Variants in ELOVL3 observed in about 807,000 individuals in gnomAD.
ELOVL3 encodes ELOVL fatty acid elongase 3, also known as very long chain fatty acid elongase 3.
In ELOVL3, 11 loss-of-function variants were observed where a neutral mutation model predicts 14.9. That is an observed-to-expected ratio of 0.74 (90% confidence interval 0.46 to 1.22). The LOEUF (loss-of-function observed/expected upper bound fraction) is 1.22. Among genes scored for constraint, ELOVL3 ranks in the 50% most tolerant of loss-of-function variants. The pLI is 0.00. For missense variants in ELOVL3, 277 were observed against 338.9 expected (o/e 0.82, Z 1.43); for synonymous variants, 117 against 124.7 (o/e 0.94, Z 0.41).
chr10:102,227,476 C>G (rs2070147265), intron 1 of ELOVL3, 150 bp from the exon 2 acceptor site: 1 of 854,916 alleles, frequency 1.2e-6, no homozygotes. Context: ...AGCCAAGGCT[C>G]AGAGAATTAA....
At position 102,226,576 on chromosome 10, in the gene ELOVL3, G is replaced by A. The variant is rs750665731; in HGVS notation, c.28G>A (p.Glu10Lys). 6.2e-7 allele frequency: 1 copy of A among 1,614,116 alleles called. No individual in the cohort carries two copies. The highest frequency in any genetic ancestry group is 8.5e-7 in the Non-Finnish European group (1 of 1,179,982). MVTAMNVSH[E>K]VNQLFQPYNF... ...GGTCACAGCCATGAATGTCTCACATGAAGTAAATCAGCTGTTCCAGCCCTA... is the reference window on the plus strand; with the variant it reads ...GGTCACAGCCATGAATGTCTCACATAAAGTAAATCAGCTGTTCCAGCCCTA... Residue 10 changes from glutamate (E) to lysine (K), a missense_variant, in exon 1 of 4, where the codon GAA becomes AAA. By Grantham distance (56) the Glu-to-Lys change is moderately conservative. Transcript: ENST00000370005.
chr10:102,228,290 C>T, intron 2 of ELOVL3, 127 bp from the exon 3 acceptor site: 1 of 968,602 alleles, frequency 1.0e-6, no homozygotes, highest in Non-Finnish European at 1.5e-6. Flanking sequence ...GAGCTTTGAC[C>T]CACCCCCTGT....
chr10:102,229,375 C>A lies in ELOVL3; in HGVS notation c.*123C>A. The A allele has an allele frequency of 1.1e-6, 1 of 951,892 alleles. No homozygotes were observed. Among genetic ancestry groups the A allele is most frequent in the Non-Finnish European group, 1.5e-6 (1 of 655,476 alleles). The allele number at this position is 951,892 out of a possible 1,614,324, so 59.0% of individuals were successfully genotyped here. A position where few individuals can be genotyped will look rare whatever the true frequency, so the allele number is the denominator to read the frequency against. ...CATGGTTTCCCCAGAGGATGTGTGC[C>A]CCAAGGTGGCTGGAATTTTTGACAG... is the stretch of plus-strand genomic sequence containing the variant. On this transcript the variant is annotated 3_prime_UTR_variant, in exon 4 of 4. Transcript: ENST00000370005.
chr10:102,227,815 C>A, intron 2 of ELOVL3, 58 bp downstream of exon 2: 2 of 1,588,648 alleles, frequency 1.3e-6, no homozygotes, highest in Non-Finnish European at 1.7e-6. Flanking sequence ...CATTCTATCC[C>A]TTGAAGCTTT....
rs2133791013 is a variant in ELOVL3 at position 102,228,415 on chromosome 10, A to G, written c.234-2A>G. 2 of 1,613,486 alleles carry G rather than the reference A, an allele frequency of 1.2e-6. No homozygotes were observed. Among genetic ancestry groups the G allele is most frequent in the South Asian group, 2.2e-5 (2 of 91,044 alleles). The stretch of plus-strand genomic sequence containing the variant: ...ACACCATCTTCCTTTGTCCCATTTC[A>G]GTATCCTGGGGGCAGTGAGGATGTG... On this transcript the variant is annotated splice_acceptor_variant, in intron 2 of 3. Transcript: ENST00000370005. LOFTEE classifies it high-confidence loss of function.
At position 102,228,891 on chromosome 10, in the gene ELOVL3, C is replaced by T. The variant is rs767451727; in HGVS notation, c.452C>T (p.Thr151Ile). The change falls in exon 4 of 4, where the codon ACA (threonine) becomes ATA (isoleucine). Residue 151 changes from threonine (T) to isoleucine (I), a missense_variant. Physicochemically the swap from Thr to Ile is moderately conservative, Grantham distance 89. Coordinates refer to ENST00000370005, the MANE Select transcript of ELOVL3 (RefSeq NM_152310.3). ...LIFIHWYHHS[T>I]VLVYTSFGYK... ...TTTATTCACTGGTACCACCACAGCACAGTGCTCGTGTACACAAGCTTTGGA... is the reference window on the plus strand; with the variant it reads ...TTTATTCACTGGTACCACCACAGCATAGTGCTCGTGTACACAAGCTTTGGA... 1 of 1,614,204 alleles carries T rather than the reference C, an allele frequency of 6.2e-7. No homozygotes were observed. The highest frequency in any genetic ancestry group is 1.1e-5 in the South Asian group (1 of 91,088).
intron 1 of ELOVL3, among the ~76,000 whole-genome samples, chr10:102,227,277 G>A (rs2070143532): frequency 6.6e-6 from 1 of 152,090 alleles, no homozygotes; most frequent in Admixed American, 6.5e-5. Context: ...AGAAGCTATT[G>A]CCACACTTCT....
chr10:102,229,120 G>C lies in ELOVL3; in HGVS notation c.681G>C (p.Gln227His). The C allele has an allele frequency of 6.2e-7, 1 of 1,614,122 alleles. No individual in the cohort carries two copies. The highest frequency in any genetic ancestry group is 8.5e-7 in the Non-Finnish European group (1 of 1,180,014). Residue 227 changes from glutamine (Q) to histidine (H), a missense_variant, in exon 4 of 4, where the codon CAG becomes CAC. Coordinates refer to ENST00000370005, the MANE Select transcript of ELOVL3 (RefSeq NM_152310.3). ...SILTYIWRQD[Q>H]GCHTTMEHLF... Reference sequence around the variant, plus strand: ...TCACGTACATCTGGAGGCAGGATCAGGGATGCCACACCACGATGGAACACT... The same window carrying C: ...TCACGTACATCTGGAGGCAGGATCACGGATGCCACACCACGATGGAACACT...
Position 102,226,398 on chromosome 10 carries a change from C to A in ELOVL3, c.-151C>A, listed in dbSNP as rs1388066551. 1.7e-6 allele frequency: 1 copy of A among 589,670 alleles called. No individual in the cohort carries two copies. The highest frequency in any genetic ancestry group is 3.2e-5 in the Admixed American group (1 of 31,264). 36.5% of individuals were successfully genotyped at this position (589,670 alleles called of 1,614,324 possible). A position where few individuals can be genotyped will look rare whatever the true frequency, so the allele number is the denominator to read the frequency against. On this transcript the variant is annotated 5_prime_UTR_variant, in exon 1 of 4. Coordinates refer to ENST00000370005, the MANE Select transcript of ELOVL3 (RefSeq NM_152310.3). ...GGATAGCTGGCTGCGCCGCCGCGCA[C>A]ATGCCTAGGTTCGACGCCCTCCTCC...
Position 102,228,476 on chromosome 10 carries a change from T to C in ELOVL3, c.293T>C (p.Leu98Pro). The part of the protein sequence containing the change: ...IMGTVLLTGG[L>P]KQTVCFINFI... ...GGGACTGTGCTACTTACCGGGGGCC[T>C]AAAGCAAACCGTGTGCTTCATCAAC... The change falls in exon 3 of 4, where the codon CTA becomes CCA. Residue 98 changes from leucine to proline, a missense_variant. By Grantham distance (98) the Leu-to-Pro change is moderately conservative (BLOSUM62 -3). Coordinates refer to ENST00000370005, the MANE Select transcript of ELOVL3 (RefSeq NM_152310.3). 1 of 1,614,194 alleles carries C rather than the reference T, an allele frequency of 6.2e-7. No homozygotes were observed. Among genetic ancestry groups the C allele is most frequent in the Non-Finnish European group, 8.5e-7 (1 of 1,180,022 alleles).
At chr10:102,225,058 T>C (rs181605187), upstream of ELOVL3, among the ~76,000 whole-genome samples, 4 of 152,308 alleles carry the variant, frequency 2.6e-5, no homozygotes, top group Non-Finnish European at 4.4e-5. Context: ...AGACAACCTA[T>C]AGGACCAGAA....
chr10:102,228,599 C>G, intron 3 of ELOVL3, 31 bp downstream of exon 3: 1 of 1,611,246 alleles, frequency 6.2e-7, no homozygotes, highest in Non-Finnish European at 8.5e-7. Flanking sequence ...TTTCTGGTGC[C>G]TTGTGAACTG....
Position 102,226,457 on chromosome 10 carries a change from T to A in ELOVL3, c.-92T>A. 1 of 883,234 alleles carries A rather than the reference T, an allele frequency of 1.1e-6. No homozygotes were observed. Among genetic ancestry groups the A allele is most frequent in the South Asian group, 1.5e-5 (1 of 67,932 alleles). 54.7% of individuals were successfully genotyped at this position (883,234 alleles called of 1,614,324 possible). On this transcript the variant is annotated 5_prime_UTR_variant, in exon 1 of 4. Coordinates refer to ENST00000370005, the MANE Select transcript of ELOVL3 (RefSeq NM_152310.3). ...AGGAGTTCCTTCTGTCCCGGCTCTG[T>A]TCCGTCTCGCCCCGAGGTTCACGCC...
chr10:102,228,924 A>G lies in ELOVL3; in HGVS notation c.485A>G (p.Asn162Ser). The G allele has an allele frequency of 1.2e-6, 2 of 1,614,214 alleles. No individual in the cohort carries two copies. Among genetic ancestry groups the G allele is most frequent in the Non-Finnish European group, 1.7e-6 (2 of 1,180,034 alleles). ...GTGTACACAAGCTTTGGATACAAGAACAAAGTGCCTGCAGGAGGCTGGTTC... is the reference window on the plus strand; with the variant it reads ...GTGTACACAAGCTTTGGATACAAGAGCAAAGTGCCTGCAGGAGGCTGGTTC... ...VLVYTSFGYK[N>S]KVPAGGWFVT... The change falls in exon 4 of 4, where the codon AAC (asparagine) becomes AGC (serine). Residue 162 changes from asparagine to serine, a missense_variant. Asn to Ser is a conservative substitution (Grantham distance 46). Coordinates refer to ENST00000370005, the MANE Select transcript of ELOVL3 (RefSeq NM_152310.3).
chr10:102,227,505 AC>A, intron 1 of ELOVL3, 120 bp from the exon 2 acceptor site: 1 of 1,157,970 alleles, frequency 8.6e-7, no homozygotes, highest in Non-Finnish European at 1.2e-6. Flanking sequence ...TTCCAATGTC[AC>A]ATAGCTAGTA....
chr10:102,228,737 C>T, intron 3 of ELOVL3, 88 bp from the exon 4 acceptor site: 1 of 1,464,550 alleles, frequency 6.8e-7, no homozygotes, highest in Non-Finnish European at 9.3e-7. Context: ...CTTCCCTCCC[C>T]TGAGAATTTC....
intron 2 of ELOVL3, 128 bp from the exon 3 acceptor site, chr10:102,228,289 C>T (rs987362858): frequency 5.2e-6 from 5 of 959,572 alleles, no homozygotes; most frequent in Non-Finnish European, 6.1e-6. Flanking sequence ...GGAGCTTTGA[C>T]CCACCCCCTG....
rs1477726267 is a variant in ELOVL3, at chr10:102,226,360, G to GTGGCTGCGCCCGGGATAGC, written c.-178_-160dup. ...TTGCAAGTCCGCGTTATATATCGCA[G>GTGGCTGCGCCCGGGATAGC]TGGCTGCGCCCGGGATAGCTGGCTG... is the stretch of plus-strand genomic sequence containing the variant. On this transcript the variant is annotated 5_prime_UTR_variant, in exon 1 of 4. Coordinates refer to ENST00000370005, the MANE Select transcript of ELOVL3 (RefSeq NM_152310.3). 8.8e-6 allele frequency: 5 copies of GTGGCTGCGCCCGGGATAGC among 567,538 alleles called. No homozygotes were observed. Among genetic ancestry groups the GTGGCTGCGCCCGGGATAGC allele is most frequent in the Non-Finnish European group, 1.6e-5 (5 of 319,130 alleles). 35.2% of individuals were successfully genotyped at this position (567,538 alleles called of 1,614,324 possible). A position where few individuals can be genotyped will look rare whatever the true frequency, so the allele number is the denominator to read the frequency against.
upstream of ELOVL3, among the ~76,000 whole-genome samples, chr10:102,225,317 G>C (rs1018805744): frequency 2.0e-5 from 3 of 152,118 alleles, no homozygotes; most frequent in African/African-American, 7.2e-5. Context: ...ATAGAGCTGG[G>C]GTTCCTACTT....
Sources: allele counts gnomAD v4.1 joint callset (sites outside exome capture counted in the v4.1 genomes callset), GRCh38; gene constraint gnomAD v4.1.1; transcripts MANE v1.5; gene names NCBI Gene and HGNC (gene_info 2026-07-23, HGNC 2026-07-21).